Variants in FAM177A1 observed in about 807,000 individuals in gnomAD.
FAM177A1 encodes the protein protein FAM177A1.
FAM177A1 carries 22 observed loss-of-function variants against 26.1 expected under a neutral mutation model. That is an observed-to-expected ratio of 0.84 (90% CI 0.60 to 1.20). The LOEUF is 1.20. Ranked by LOEUF, FAM177A1 falls within the 50% of genes most tolerant of loss-of-function variation. The probability of loss-of-function intolerance (pLI) is 0.00; values close to 1 mark genes in which losing one functional copy is unlikely to be tolerated. For synonymous variants in FAM177A1, 95 were observed against 99.3 expected, an observed-to-expected ratio of 0.96 and a Z score of 0.26; for missense variants, 296 against 291.1, an observed-to-expected ratio of 1.02 and a Z score of -0.12.
At chr14:35,064,829 T>A (rs2045216697) in intron 2 of FAM177A1, among the ~76,000 whole-genome samples, 1 of 152,078 alleles carries the variant, frequency 6.6e-6, no homozygotes, top group Non-Finnish European at 1.5e-5. Flanking sequence ...TTTTTTTGTA[T>A]TTTTAGTAGA....
chr14:35,060,041 T>G (rs2045127227), intron 2 of FAM177A1, among the ~76,000 whole-genome samples: 1 of 152,016 alleles, frequency 6.6e-6, no homozygotes. Flanking sequence ...TGGCGTGATC[T>G]CGGCTCACTG....
intron 2 of FAM177A1, among the ~76,000 whole-genome samples, chr14:35,060,559 A>C (rs978437108): frequency 6.6e-6 from 1 of 151,906 alleles, no homozygotes; most frequent in Admixed American, 6.6e-5. Context: ...TTTAGATTAT[A>C]TATTATAGCA....
chr14:35,081,276 TACAA>T lies in FAM177A1; in HGVS notation c.*50_*53del. The T allele has an allele frequency of 6.7e-7, 1 of 1,501,238 alleles. No homozygotes were observed. The highest frequency in any genetic ancestry group is 9.0e-7 in the Non-Finnish European group (1 of 1,113,006). 93.0% of individuals were successfully genotyped at this position (1,501,238 alleles called of 1,614,324 possible). A position where few individuals can be genotyped will look rare whatever the true frequency, so the allele number is the denominator to read the frequency against. ...AAACTCTTAAGTTTTTTTTTTTTAA[TACAA>T]AAACTTTCACATTCTTTATTCAGTG... On this transcript the variant is annotated 3_prime_UTR_variant, in exon 5 of 5. Coordinates refer to ENST00000280987, the MANE Select transcript of FAM177A1 (RefSeq NM_173607.5).
chr14:35,047,917 A>G (rs1027017419), intron 1 of FAM177A1, among the ~76,000 whole-genome samples: 1 of 152,198 alleles, frequency 6.6e-6, no homozygotes, highest in South Asian at 2.1e-4. Flanking sequence ...CTGTGAGTAT[A>G]TCTCTGTGTA....
chr14:35,076,678 T>C (rs1320811877), intron 2 of FAM177A1, among the ~76,000 whole-genome samples: 1 of 152,162 alleles, frequency 6.6e-6, no homozygotes, highest in Non-Finnish European at 1.5e-5. Context: ...AAAAGCTCAT[T>C]TGATGTTCCC....
At chr14:35,058,565 T>TA (rs1201913583) in intron 2 of FAM177A1, among the ~76,000 whole-genome samples, 1 of 152,134 alleles carries the variant, frequency 6.6e-6, no homozygotes, top group Admixed American at 6.6e-5. Flanking sequence ...TACCTCTAGT[T>TA]ACGTTTTTTG....
intron 2 of FAM177A1, among the ~76,000 whole-genome samples, chr14:35,076,629 T>A (rs2045400919): frequency 6.6e-6 from 1 of 152,090 alleles, no homozygotes. Context: ...CAAACGAAAC[T>A]TATCTTGCCG....
chr14:35,046,491 C>T lies in FAM177A1; in HGVS notation c.28C>T (p.Leu10Phe). ...GGAAGTGGGCTTACCGGCCATTACC[C>T]TCTTTCTCACCAGCGCCAGCAGCCC... MEVGLPAITLFLTSASSPVV... is the reference protein window; with the variant it reads MEVGLPAITFFLTSASSPVV... The change falls in exon 1 of 5, where the codon CTC becomes TTC. Residue 10 changes from leucine (L) to phenylalanine (F), a missense_variant. By Grantham distance (22) the Leu-to-Phe change is conservative (BLOSUM62 0). Transcript: ENST00000280987. The T allele has an allele frequency of 6.2e-7, 1 of 1,601,186 alleles. No individual in the cohort carries two copies. The highest frequency in any genetic ancestry group is 8.5e-7 in the Non-Finnish European group (1 of 1,175,414).
intron 3 of FAM177A1, among the ~76,000 whole-genome samples, chr14:35,078,228 G>C (rs79832710): frequency 6.6e-6 from 1 of 152,060 alleles, no homozygotes; most frequent in Non-Finnish European, 1.5e-5. Flanking sequence ...ATCAGTTTGG[G>C]TTAAGTTCTT....
intron 2 of FAM177A1, among the ~76,000 whole-genome samples, chr14:35,061,085 C>CAT (rs10682052): frequency 0.34 from 51,865 of 151,872 alleles, 8,986 homozygotes; most frequent in East Asian, 0.41. Flanking sequence ...TAGGAAAAAA[C>CAT]AGTATAGGGT....
chr14:35,071,806 C>T (rs2045325673), intron 2 of FAM177A1, among the ~76,000 whole-genome samples: 1 of 151,854 alleles, frequency 6.6e-6, no homozygotes. Context: ...GGGGTGTGAC[C>T]CCCCAACTAC....
rs866013256 is a variant in FAM177A1, at chr14:35,074,053, T to C, written c.340-3097T>C. On this transcript the variant is annotated intron_variant, in intron 2 of 4. Coordinates refer to ENST00000280987, the MANE Select transcript of FAM177A1 (RefSeq NM_173607.5). ...TTTCTAAAATTATCAAGCCATCCTT[T>C]GCTGGCATTAAATTCTCCAGCTTTA... Among the ~76,000 whole-genome samples, 7 of 152,382 alleles carry C rather than the reference T, an allele frequency of 4.6e-5. 1 individual carries two copies. The South Asian group carries it at 1.4e-3, about 32-fold the overall frequency.
chr14:35,070,789 G>C (rs1595053167), intron 2 of FAM177A1, among the ~76,000 whole-genome samples: 1 of 151,876 alleles, frequency 6.6e-6, no homozygotes. Flanking sequence ...AAGTAAATAG[G>C]CTTAATATTA....
At chr14:35,076,255 T>C (rs1441731844) in intron 2 of FAM177A1, among the ~76,000 whole-genome samples, 1 of 152,142 alleles carries the variant, frequency 6.6e-6, no homozygotes, top group Non-Finnish European at 1.5e-5. Context: ...TGGAATCCTA[T>C]GCAGCCATAA....
intron 2 of FAM177A1, among the ~76,000 whole-genome samples, chr14:35,063,859 G>T (rs1283459493): frequency 1.3e-5 from 2 of 151,260 alleles, no homozygotes; most frequent in African/African-American, 4.9e-5. Context: ...GGCCAACATG[G>T]TAAAACCCTG....
At chr14:35,077,306 G>T in intron 3 of FAM177A1, 90 bp downstream of exon 3, 1 of 1,187,692 alleles carries the variant, frequency 8.4e-7, no homozygotes. Context: ...CAAACTGAAG[G>T]AGAAACAATA....
At chr14:35,065,751 G>A (rs1021294777) in intron 2 of FAM177A1, among the ~76,000 whole-genome samples, 3 of 149,956 alleles carry the variant, frequency 2.0e-5, no homozygotes, top group Non-Finnish European at 4.4e-5. Context: ...GAGTGCAGTG[G>A]TACGACCTCG....
chr14:35,069,198 A>G (rs1355550152), intron 2 of FAM177A1, among the ~76,000 whole-genome samples: 1 of 152,008 alleles, frequency 6.6e-6, no homozygotes, highest in Non-Finnish European at 1.5e-5. Flanking sequence ...GTATAGCTAA[A>G]TCTCACCATT....
rs187781564 is a variant in FAM177A1 at position 35,053,618 on chromosome 14, G to C, written c.339+167G>C. On this transcript the variant is annotated intron_variant, in intron 2 of 4. Coordinates refer to ENST00000280987, the MANE Select transcript of FAM177A1 (RefSeq NM_173607.5). Reference sequence around the variant, plus strand: ...GAAAATAATATTTTTACATGATATGGACGGAAATATTTCCAGCATTTCAGT... The same window carrying C: ...GAAAATAATATTTTTACATGATATGCACGGAAATATTTCCAGCATTTCAGT... 1.8e-4 allele frequency among the ~76,000 whole-genome samples: 27 copies of C among 152,208 alleles called. 1 individual carries two copies. The highest frequency in any genetic ancestry group is 1.2e-3 in the Admixed American group (18 of 15,278).
Sources: allele counts gnomAD v4.1 joint callset (sites outside exome capture counted in the v4.1 genomes callset), GRCh38; gene constraint gnomAD v4.1.1; transcripts MANE v1.5; gene names NCBI Gene and HGNC (gene_info 2026-07-23, HGNC 2026-07-21).